Variants in WDR27 observed in about 807,000 individuals in gnomAD.
WDR27 encodes WD repeat domain 27.
In WDR27, 100 loss-of-function variants were observed where a neutral mutation model predicts 114.4. That is an observed-to-expected ratio of 0.87 (90% CI 0.74 to 1.03). The LOEUF (loss-of-function observed/expected upper bound fraction) is 1.03, where lower values mean the gene tolerates loss of function less well. WDR27 is among the 50% of genes least tolerant of loss of function. The pLI is 0.00. For missense variants in WDR27, 1,129 were observed against 1,092.9 expected (o/e 1.03, Z -0.47); for synonymous variants, 449 against 423.1 (o/e 1.06, Z -0.75).
At chr6:169,510,080 G>C (rs1792606405) in intron 25 of WDR27, among the ~76,000 whole-genome samples, 1 of 152,182 alleles carries the variant, frequency 6.6e-6, no homozygotes. Context: ...ACCACAATGA[G>C]ATACCACCTC....
downstream of WDR27, among the ~76,000 whole-genome samples, chr6:169,455,568 G>T (rs975729089): frequency 6.6e-6 from 1 of 152,186 alleles, no homozygotes; most frequent in Non-Finnish European, 1.5e-5. Flanking sequence ...TCCACTCACA[G>T]CACCACCTAC....
At chr6:169,634,769 G>A (rs181460365) in intron 19 of WDR27, among the ~76,000 whole-genome samples, 42 of 152,214 alleles carry the variant, frequency 2.8e-4, no homozygotes, top group Admixed American at 2.4e-3. Flanking sequence ...CCCCCACGCC[G>A]TCCTCCTTCT....
At chr6:169,452,772 C>T (rs1267849919), downstream of WDR27, among the ~76,000 whole-genome samples, 2 of 152,242 alleles carry the variant, frequency 1.3e-5, no homozygotes, top group Admixed American at 6.5e-5. Flanking sequence ...ATTGGCTTTG[C>T]CAAATCTTGC....
intron 25 of WDR27, among the ~76,000 whole-genome samples, 154 bp downstream of exon 25, chr6:169,572,265 G>A (rs1393309678): frequency 1.3e-5 from 2 of 152,090 alleles, no homozygotes; most frequent in Non-Finnish European, 2.9e-5. Flanking sequence ...TCTGGGCCGG[G>A]CGTGGTGGCT....
chr6:169,667,842 A>G, intron 5 of WDR27, 140 bp downstream of exon 5: 1 of 805,854 alleles, frequency 1.2e-6, no homozygotes, highest in Non-Finnish European at 1.9e-6. Flanking sequence ...AAATCAGGAT[A>G]GCGGGCGCCT....
In WDR27 at chr6:169,684,355, A is replaced by G. The variant is rs1782359418; in HGVS notation, c.189+4462T>C. Reference sequence around the variant, plus strand: ...ACACCCCTATGGCACCCCTGCCCCAAGAAGAAATACTTCTGGGCTGCCCAA... The same window carrying G: ...ACACCCCTATGGCACCCCTGCCCCAGGAAGAAATACTTCTGGGCTGCCCAA... On this transcript the variant is annotated intron_variant, in intron 2 of 25. Coordinates refer to ENST00000448612, the MANE Select transcript of WDR27 (RefSeq NM_182552.5). The surrounding 1 kb of genome is among the most constrained non-coding windows in gnomAD (Gnocchi z 4.3). Among the ~76,000 whole-genome samples the G allele has an allele frequency of 6.6e-6, 1 of 152,136 alleles. No homozygotes were observed. Among genetic ancestry groups the G allele is most frequent in the Admixed American group, 6.5e-5 (1 of 15,274 alleles).
the WDR27 span, among the ~76,000 whole-genome samples, chr6:169,438,443 T>G: frequency 6.6e-6 from 1 of 152,030 alleles, no homozygotes. Flanking sequence ...TTCACCATAT[T>G]AGCCAGGATG....
chr6:169,541,376 A>C (rs930210408), intron 25 of WDR27, among the ~76,000 whole-genome samples: 14 of 152,228 alleles, frequency 9.2e-5, no homozygotes, highest in Non-Finnish European at 1.3e-4. Context: ...TGTATCAGTG[A>C]AACAATCAGA....
chr6:169,647,173 A>G (rs1179568610), intron 16 of WDR27, among the ~76,000 whole-genome samples: 2 of 152,198 alleles, frequency 1.3e-5, no homozygotes, highest in Non-Finnish European at 2.9e-5. Flanking sequence ...TCTTTCAAGC[A>G]CTATTTAGAA....
intron 16 of WDR27, chr6:169,647,498 G>A (rs986102705): frequency 3.8e-6 from 2 of 531,276 alleles, no homozygotes; most frequent in Admixed American, 3.4e-5. Context: ...AACCCCGGAG[G>A]AGCTGGACAC....
chr6:169,640,123 G>A (rs868613295), intron 17 of WDR27, among the ~76,000 whole-genome samples: 31 of 152,200 alleles, frequency 2.0e-4, no homozygotes, highest in African/African-American at 7.5e-4. Context: ...AGACCTGCTC[G>A]ACGACCCCAT....
chr6:169,618,766 T>G (rs2128193763), intron 21 of WDR27, among the ~76,000 whole-genome samples: 1 of 151,918 alleles, frequency 6.6e-6, no homozygotes, highest in Middle Eastern at 3.4e-3. Context: ...TAATTTCTGC[T>G]TCTCCTGTAT....
intron 25 of WDR27, among the ~76,000 whole-genome samples, chr6:169,500,501 G>C (rs1791038636): frequency 6.6e-6 from 1 of 152,162 alleles, no homozygotes; most frequent in Non-Finnish European, 1.5e-5. Flanking sequence ...ACTAACTTCT[G>C]AGCTGGGACC....
At chr6:169,487,326 A>G (rs1789065265) in intron 25 of WDR27, among the ~76,000 whole-genome samples, 1 of 152,222 alleles carries the variant, frequency 6.6e-6, no homozygotes, top group Non-Finnish European at 1.5e-5. Flanking sequence ...ATCTGAATGT[A>G]GAACAATGTC....
At chr6:169,566,735 C>T (rs927460781) in intron 25 of WDR27, among the ~76,000 whole-genome samples, 3 of 152,132 alleles carry the variant, frequency 2.0e-5, no homozygotes, top group Non-Finnish European at 2.9e-5. Flanking sequence ...CCTGTAGAAA[C>T]GCTTTCTAAA....
chr6:169,650,355 TCCCTCCATC>T (rs1430017919), intron 14 of WDR27, among the ~76,000 whole-genome samples: 2 of 127,810 alleles, frequency 1.6e-5, no homozygotes, highest in Non-Finnish European at 3.3e-5. Flanking sequence ...CATCTCTGCA[TCCCTCCATC>T]CCCTCCATCT....
chr6:169,531,251 T>C (rs1225400937), intron 25 of WDR27, among the ~76,000 whole-genome samples: 2 of 152,244 alleles, frequency 1.3e-5, no homozygotes, highest in African/African-American at 2.4e-5. Flanking sequence ...AAGGAAGTTT[T>C]CTAGAATTAA....
At chr6:169,654,834 C>A (rs969982343) in intron 13 of WDR27, among the ~76,000 whole-genome samples, 1 of 151,772 alleles carries the variant, frequency 6.6e-6, no homozygotes, top group African/African-American at 2.4e-5. Flanking sequence ...CAGAAGGAGG[C>A]GGCTCGCTCA....
chr6:169,457,391 T>A lies in WDR27; in HGVS notation c.*201A>T, dbSNP rs532203186. 4.4e-6 allele frequency: 2 copies of A among 459,570 alleles called. No homozygotes were observed. Among genetic ancestry groups the A allele is most frequent in the East Asian group, 6.9e-5 (2 of 28,964 alleles). The allele number at this position is 459,570 out of a possible 1,614,324, so 28.5% of individuals were successfully genotyped here. A position where few individuals can be genotyped will look rare whatever the true frequency, so the allele number is the denominator to read the frequency against. ...TTTTCCCAATGAAGGGGATCCCTTT[T>A]GAGGAGCAGAAAGACATAAAACTCT... On this transcript the variant is annotated 3_prime_UTR_variant, in exon 26 of 26. Transcript: ENST00000448612.
Sources: allele counts gnomAD v4.1 joint callset (sites outside exome capture counted in the v4.1 genomes callset), GRCh38; gene constraint gnomAD v4.1.1; non-coding constraint Gnocchi (gnomAD v3.1); transcripts MANE v1.5; gene names NCBI Gene and HGNC (gene_info 2026-07-23, HGNC 2026-07-21).